The following ZNF148 variants were observed in gnomAD, a reference collection of about 807,000 sequenced individuals.
The protein encoded by ZNF148 is Beta-Enolase Repressor Factor-1.
Under a neutral mutation model 67.7 loss-of-function variants are expected in ZNF148, and 7 were observed. That is an observed-to-expected ratio of 0.10 (90% CI 0.06 to 0.19). The LOEUF is 0.19. ZNF148 is among the 10% of genes least tolerant of loss of function. The pLI, the probability that ZNF148 is intolerant of heterozygous loss-of-function variation, is 1.00. For missense variants in ZNF148, 583 were observed against 947.1 expected (o/e 0.62, Z 5.05); for synonymous variants, 333 against 330.7 (o/e 1.01, Z -0.08).
At chr3:125,235,124 T>C (rs559557233) in intron 7 of ZNF148, among the ~76,000 whole-genome samples, 18 of 152,204 alleles carry the variant, frequency 1.2e-4, no homozygotes, top group Non-Finnish European at 1.0e-4. Context: ...AGAAGTTACC[T>C]TGAATAATGC....
intron 1 of ZNF148, among the ~76,000 whole-genome samples, chr3:125,361,856 CCA>C (rs1942553529): frequency 6.6e-6 from 1 of 151,704 alleles, no homozygotes; most frequent in African/African-American, 2.4e-5. Context: ...TAGTTACAAT[CCA>C]CTAGGATTGT....
chr3:125,316,649 T>C (rs899422381), intron 3 of ZNF148, among the ~76,000 whole-genome samples: 1 of 152,234 alleles, frequency 6.6e-6, no homozygotes, highest in East Asian at 1.9e-4. Flanking sequence ...TCTCTTCTTT[T>C]GAGAAATGTC....
At chr3:125,332,474 A>G (rs929957347) in intron 1 of ZNF148, among the ~76,000 whole-genome samples, 1 of 152,210 alleles carries the variant, frequency 6.6e-6, no homozygotes. Context: ...GTTAAATTAA[A>G]TTAGGTTTAA....
intron 1 of ZNF148, among the ~76,000 whole-genome samples, chr3:125,363,292 CCTAA>C (rs1468909104): frequency 3.3e-5 from 5 of 152,146 alleles, no homozygotes; most frequent in African/African-American, 9.7e-5. Flanking sequence ...CCGTCAGTGC[CCTAA>C]CTAAATCCAA....
At chr3:125,369,364 G>A (rs1350155176) in intron 1 of ZNF148, among the ~76,000 whole-genome samples, 1 of 51,448 alleles carries the variant, frequency 1.9e-5, no homozygotes. Context: ...CTCTCCAGAA[G>A]ACAAAGAATA....
intron 4 of ZNF148, among the ~76,000 whole-genome samples, chr3:125,294,588 T>C (rs894041463): frequency 2.0e-5 from 3 of 152,224 alleles, no homozygotes; most frequent in Non-Finnish European, 4.4e-5. Flanking sequence ...TTCTGCCTCC[T>C]CAGCATATAC....
chr3:125,337,051 A>C (rs1579838990), intron 1 of ZNF148, among the ~76,000 whole-genome samples: 2 of 151,380 alleles, frequency 1.3e-5, no homozygotes, highest in East Asian at 3.8e-4. Context: ...CAAAATCTTT[A>C]AAACTTTGTA....
chr3:125,264,612 T>C (rs1169593881), intron 7 of ZNF148, among the ~76,000 whole-genome samples: 1 of 152,190 alleles, frequency 6.6e-6, no homozygotes, highest in African/African-American at 2.4e-5. Flanking sequence ...CAGAGTTCCA[T>C]CAAAAAAAGT....
At chr3:125,340,715 G>A (rs1040708523) in intron 1 of ZNF148, among the ~76,000 whole-genome samples, 4 of 152,090 alleles carry the variant, frequency 2.6e-5, no homozygotes, top group Non-Finnish European at 2.9e-5. Flanking sequence ...GGCCGGGCGC[G>A]GTGGCTCATG....
chr3:125,240,763 T>G (rs1225495511), intron 7 of ZNF148, among the ~76,000 whole-genome samples: 18 of 143,928 alleles, frequency 1.3e-4, no homozygotes, highest in Middle Eastern at 3.5e-3. Context: ...AGATCCTGTC[T>G]GCAAAAAAAA....
chr3:125,306,795 G>A (rs1939902530), intron 4 of ZNF148, among the ~76,000 whole-genome samples: 1 of 152,030 alleles, frequency 6.6e-6, no homozygotes, highest in Non-Finnish European at 1.5e-5. Context: ...AAGAGGTTGA[G>A]ATTACAGTGA....
chr3:125,309,471 T>A lies in ZNF148; in HGVS notation c.333+3837A>T, dbSNP rs76722184. ...GAGTAACAGTAAATTGCCAAATAAA[T>A]AATATTATAGGCATATACGACATGA... On this transcript the variant is annotated intron_variant, in intron 4 of 8. Transcript: ENST00000360647. 8.2e-4 allele frequency among the ~76,000 whole-genome samples: 124 copies of A among 151,970 alleles called. 1 individual carries two copies. The East Asian group carries it at 0.02, about 25-fold the overall frequency.
intron 1 of ZNF148, among the ~76,000 whole-genome samples, chr3:125,367,526 C>G (rs192805556): frequency 1.2e-3 from 176 of 152,332 alleles, no homozygotes; most frequent in Non-Finnish European, 2.1e-3. Flanking sequence ...TATAGTTTGG[C>G]AGCCCTGTTA....
intron 1 of ZNF148, among the ~76,000 whole-genome samples, chr3:125,345,840 CCAAAAAA>C (rs963280655): frequency 6.6e-6 from 1 of 151,718 alleles, no homozygotes; most frequent in Non-Finnish European, 1.5e-5. Flanking sequence ...CCAACTGCTG[CCAAAAAA>C]CAAAAAACAA....
intron 4 of ZNF148, among the ~76,000 whole-genome samples, chr3:125,309,468 AAAT>A (rs1214795233): frequency 1.3e-5 from 2 of 152,230 alleles, no homozygotes; most frequent in East Asian, 3.8e-4. Context: ...ATTGCCAAAT[AAAT>A]AATATTATAG....
At chr3:125,241,454 T>C (rs1936355534) in intron 7 of ZNF148, among the ~76,000 whole-genome samples, 1 of 152,046 alleles carries the variant, frequency 6.6e-6, no homozygotes, top group African/African-American at 2.4e-5. Flanking sequence ...TGACACAACA[T>C]AAGTAAAAAT....
At chr3:125,260,302 T>TAA (rs138694167) in intron 7 of ZNF148, among the ~76,000 whole-genome samples, 63 of 148,160 alleles carry the variant, frequency 4.3e-4, no homozygotes, top group African/African-American at 1.4e-3. Flanking sequence ...AACCTTCAAT[T>TAA]AAAAAAAAAA....
intron 1 of ZNF148, among the ~76,000 whole-genome samples, chr3:125,342,813 G>A (rs1941786443): frequency 6.6e-6 from 1 of 152,098 alleles, no homozygotes; most frequent in South Asian, 2.1e-4. Flanking sequence ...TGATACTCAA[G>A]ACAATTATAT....
intron 7 of ZNF148, among the ~76,000 whole-genome samples, chr3:125,251,368 A>G (rs1936833836): frequency 6.6e-6 from 1 of 152,258 alleles, no homozygotes; most frequent in South Asian, 2.1e-4. Flanking sequence ...AGAAGTAAAC[A>G]TACTGAACTG....
Sources: allele counts gnomAD v4.1 joint callset (sites outside exome capture counted in the v4.1 genomes callset), GRCh38; gene constraint gnomAD v4.1.1; transcripts MANE v1.5; gene names NCBI Gene and HGNC (gene_info 2026-07-23, HGNC 2026-07-21).